The following IGF2BP2 variants were observed in gnomAD, a reference collection of about 807,000 sequenced individuals.
IGF2BP2 encodes the protein insulin-like growth factor 2 mRNA-binding protein 2.
IGF2BP2 carries 17 observed loss-of-function variants against 75.8 expected under a neutral mutation model. The observed-to-expected ratio is 0.22, with a 90% CI of 0.15 to 0.34. The LOEUF is 0.34. IGF2BP2 is among the 10% of genes least tolerant of loss of function. The pLI, the probability that IGF2BP2 is intolerant of heterozygous loss-of-function variation, is 1.00. For missense variants in IGF2BP2, 516 were observed against 772.4 expected, an observed-to-expected ratio of 0.67 and a Z score of 3.93; for synonymous variants, 288 against 295.6, an observed-to-expected ratio of 0.97 and a Z score of 0.26.
chr3:185,677,066 T>TAGAGAGAGAGAGAG (rs1185215668), intron 7 of IGF2BP2, among the ~76,000 whole-genome samples: 2 of 38,382 alleles, frequency 5.2e-5, no homozygotes, highest in African/African-American at 2.5e-4. Context: ...TATATATATA[T>TAGAGAGAGAGAGAG]ATAGAGAGAG....
At chr3:185,662,891 G>A (rs1236034320) in intron 10 of IGF2BP2, among the ~76,000 whole-genome samples, 1 of 152,008 alleles carries the variant, frequency 6.6e-6, no homozygotes, top group Non-Finnish European at 1.5e-5. Context: ...TGTTGGTCAG[G>A]CTAGTCTTGA....
intron 2 of IGF2BP2, among the ~76,000 whole-genome samples, chr3:185,732,693 A>G (rs1001262833): frequency 1.5e-4 from 23 of 152,246 alleles, no homozygotes; most frequent in African/African-American, 5.5e-4. Flanking sequence ...AATTTTTAAT[A>G]AAATGAAGAG....
chr3:185,671,535 C>CAAA (rs397706922), intron 10 of IGF2BP2, among the ~76,000 whole-genome samples: 14 of 88,764 alleles, frequency 1.6e-4, no homozygotes, highest in South Asian at 1.4e-3. Context: ...GACTCCATCT[C>CAAA]AAAAAAAAAA....
chr3:185,661,297 T>C (rs55966029), intron 10 of IGF2BP2, among the ~76,000 whole-genome samples: 26,995 of 152,080 alleles, frequency 0.18, 2,809 homozygotes, highest in African/African-American at 0.3. Context: ...AAATAATATC[T>C]AGTTCTTATA....
At chr3:185,668,781 A>G (rs576564254) in intron 10 of IGF2BP2, among the ~76,000 whole-genome samples, 1 of 152,200 alleles carries the variant, frequency 6.6e-6, no homozygotes, top group Non-Finnish European at 1.5e-5. Flanking sequence ...GATGAAATAA[A>G]AAGATGATAA....
intron 2 of IGF2BP2, among the ~76,000 whole-genome samples, chr3:185,765,354 T>C (rs1202217758): frequency 6.6e-6 from 1 of 152,210 alleles, no homozygotes; most frequent in Non-Finnish European, 1.5e-5. Flanking sequence ...AACATTCATA[T>C]ACTAAGAAGT....
At chr3:185,769,724 G>A (rs1056152285) in intron 2 of IGF2BP2, among the ~76,000 whole-genome samples, 1 of 150,628 alleles carries the variant, frequency 6.6e-6, no homozygotes, top group African/African-American at 2.5e-5. Flanking sequence ...AGCTACTCAG[G>A]AGGCTGAGGT....
At chr3:185,688,899 A>C (rs1279520858) in intron 6 of IGF2BP2, among the ~76,000 whole-genome samples, 1 of 152,208 alleles carries the variant, frequency 6.6e-6, no homozygotes, top group Admixed American at 6.5e-5. Context: ...ACTAAACAGA[A>C]GGCCAGTGTG....
intron 2 of IGF2BP2, among the ~76,000 whole-genome samples, chr3:185,702,136 C>A (rs1481568981): frequency 6.6e-6 from 1 of 152,118 alleles, no homozygotes; most frequent in East Asian, 1.9e-4. Context: ...CCCCTCAACC[C>A]CCGCGGTGAT....
At chr3:185,661,437 G>A (rs1375985760) in intron 10 of IGF2BP2, among the ~76,000 whole-genome samples, 14 of 152,022 alleles carry the variant, frequency 9.2e-5, no homozygotes, top group Admixed American at 8.5e-4. Flanking sequence ...AGCAGTTCAA[G>A]ACCAGCCTGT....
At chr3:185,704,682 TCAAG>T (rs1335432412) in intron 2 of IGF2BP2, among the ~76,000 whole-genome samples, 1 of 152,142 alleles carries the variant, frequency 6.6e-6, no homozygotes, top group African/African-American at 2.4e-5. Flanking sequence ...ATTCCTGGGC[TCAAG>T]CAATCAGCCC....
At chr3:185,710,832 G>A (rs1724693873) in intron 2 of IGF2BP2, among the ~76,000 whole-genome samples, 1 of 150,482 alleles carries the variant, frequency 6.6e-6, no homozygotes, top group African/African-American at 2.4e-5. Flanking sequence ...TATAGGAAAA[G>A]TTATTTATCA....
At chr3:185,654,581 G>T (rs1715130201) in intron 12 of IGF2BP2, among the ~76,000 whole-genome samples, 2 of 152,316 alleles carry the variant, frequency 1.3e-5, no homozygotes, top group South Asian at 4.1e-4. Context: ...GGGCTCTACT[G>T]CCTGGCACTG....
In IGF2BP2 at chr3:185,645,310, G is replaced by A. The variant is rs1439558846; in HGVS notation, c.*221C>T. Reference sequence around the variant, plus strand: ...GCAGAAGCCCTGGGGGGCGGGAGGCGGGGCTCGGTGGTTCTGGCAAACCTG... The same window carrying A: ...GCAGAAGCCCTGGGGGGCGGGAGGCAGGGCTCGGTGGTTCTGGCAAACCTG... On this transcript the variant is annotated 3_prime_UTR_variant, in exon 16 of 16. Transcript: ENST00000382199. The surrounding 1 kb of genome is among the most constrained non-coding windows in gnomAD (Gnocchi z 4.9). 1.3e-5 allele frequency: 7 copies of A among 556,300 alleles called. No individual in the cohort carries two copies. The highest frequency in any genetic ancestry group is 4.9e-5 in the South Asian group (2 of 40,436). The allele number at this position is 556,300 out of a possible 1,614,324, so 34.5% of individuals were successfully genotyped here.
At chr3:185,775,618 G>A (rs1217912314) in intron 2 of IGF2BP2, among the ~76,000 whole-genome samples, 2 of 152,172 alleles carry the variant, frequency 1.3e-5, no homozygotes, top group African/African-American at 2.4e-5. Context: ...TTCTGAGCAA[G>A]GTTGGGGAAT....
rs1360661890 is a variant in IGF2BP2, at chr3:185,824,993, G to A, written c.-33C>T. Reference sequence around the variant, plus strand: ...TTCCCCGAGAGCCCGCGGCTCCCCCGGCCCGGTACCCGGCGCTCCTCGCCT... The same window carrying A: ...TTCCCCGAGAGCCCGCGGCTCCCCCAGCCCGGTACCCGGCGCTCCTCGCCT... On this transcript the variant is annotated 5_prime_UTR_variant, in exon 1 of 16. Transcript: ENST00000382199. 6.9e-7 allele frequency: 1 copy of A among 1,450,486 alleles called. No homozygotes were observed. The highest frequency in any genetic ancestry group is 9.2e-7 in the Non-Finnish European group (1 of 1,083,050). The allele number at this position is 1,450,486 out of a possible 1,614,324, so 89.9% of individuals were successfully genotyped here. A position where few individuals can be genotyped will look rare whatever the true frequency, so the allele number is the denominator to read the frequency against.
chr3:185,705,003 G>A (rs1723815074), intron 2 of IGF2BP2, among the ~76,000 whole-genome samples: 1 of 152,150 alleles, frequency 6.6e-6, no homozygotes, highest in Non-Finnish European at 1.5e-5. Flanking sequence ...TTTTTTAAGA[G>A]AAAAAACAAA....
rs531681850 is a variant in IGF2BP2 at position 185,693,005 on chromosome 3, C to T, written c.341-243G>A. ...ATATTTTCCACATATTTTATAAACACTTTTATATGAGTATTTTGTATCAGT... is the reference window on the plus strand; with the variant it reads ...ATATTTTCCACATATTTTATAAACATTTTTATATGAGTATTTTGTATCAGT... On this transcript the variant is annotated intron_variant, in intron 4 of 15. Transcript: ENST00000382199. Among the ~76,000 whole-genome samples, 4 of 152,142 alleles carry T rather than the reference C, an allele frequency of 2.6e-5. No individual in the cohort carries two copies. The South Asian group carries it at 8.3e-4, about 32-fold the overall frequency.
intron 2 of IGF2BP2, chr3:185,813,921 T>C (rs1019908461): frequency 1.3e-5 from 2 of 152,298 alleles, no homozygotes; most frequent in African/African-American, 4.8e-5. Flanking sequence ...AAGTGGCCGG[T>C]GTGAGGCCTT....
Sources: allele counts gnomAD v4.1 joint callset (sites outside exome capture counted in the v4.1 genomes callset), GRCh38; gene constraint gnomAD v4.1.1; non-coding constraint Gnocchi (gnomAD v3.1); transcripts MANE v1.5; gene names NCBI Gene and HGNC (gene_info 2026-07-23, HGNC 2026-07-21).